Variants in DCLK3 observed in about 807,000 individuals in gnomAD.
The protein encoded by DCLK3 is doublecortin like kinase 3.
In DCLK3, 30 loss-of-function variants were observed where a neutral mutation model predicts 46.4. The ratio of observed to expected loss-of-function variants is 0.65; its 90% CI spans 0.48 to 0.88. The LOEUF is 0.88. Among genes scored for constraint, DCLK3 ranks in the 40% least tolerant of loss-of-function variants. The probability of loss-of-function intolerance (pLI) is 0.00; values close to 1 mark genes in which losing one functional copy is unlikely to be tolerated. For missense variants in DCLK3, 846 were observed against 907.1 expected (o/e 0.93, Z 0.87); for synonymous variants, 401 against 339.2 (o/e 1.18, Z -2.00).
At chr3:36,742,355 A>T (rs999749263) in intron 1 of DCLK3, among the ~76,000 whole-genome samples, 2 of 152,186 alleles carry the variant, frequency 1.3e-5, no homozygotes, top group Admixed American at 1.3e-4. Context: ...ACTTGCCCTG[A>T]TCCCTAGTGG....
intron 2 of DCLK3, among the ~76,000 whole-genome samples, chr3:36,736,072 T>C (rs549144996): frequency 3.9e-5 from 6 of 152,356 alleles, no homozygotes; most frequent in Admixed American, 3.9e-4. Context: ...TGGCACACAC[T>C]TGTACTCAAA....
Position 36,764,227 on chromosome 3 carries a change from G to A in DCLK3, c.37C>T (p.Pro13Ser), listed in dbSNP as rs1404614209. Residue 13 changes from proline (P) to serine (S), a missense_variant, in exon 1 of 5, where the codon CCC becomes TCC. Physicochemically the swap from Pro to Ser is moderately conservative, Grantham distance 74. Around this residue, in one of 3 missense-constraint regions of DCLK3, gnomAD observed 553 missense variants for 543.0 expected, o/e 1.02. Transcript: ENST00000636136. The surrounding 1 kb of genome is among the most constrained non-coding windows in gnomAD (Gnocchi z 4.9). ...CAGGCTGGGGCTGGCCGGGCCGGGG[G>A]CGGCGGCGGCTGCGGGGCTGGAGTG... ...AATPAPQPPP[P>S]PARPAPACPA... 6.3e-6 allele frequency: 2 copies of A among 317,104 alleles called. No individual in the cohort carries two copies. Among genetic ancestry groups the A allele is most frequent in the African/African-American group, 2.2e-5 (1 of 45,560 alleles). 19.6% of individuals were successfully genotyped at this position (317,104 alleles called of 1,614,324 possible). A position where few individuals can be genotyped will look rare whatever the true frequency, so the allele number is the denominator to read the frequency against.
chr3:36,723,291 A>ACATTCAG (rs1419499536), intron 2 of DCLK3, among the ~76,000 whole-genome samples: 1 of 152,218 alleles, frequency 6.6e-6, no homozygotes, highest in Non-Finnish European at 1.5e-5. Context: ...GCTGTTAAAG[A>ACATTCAG]CATTCAGTTT....
intron 4 of DCLK3, among the ~76,000 whole-genome samples, chr3:36,717,607 T>C (rs915555446): frequency 1.3e-5 from 2 of 152,216 alleles, no homozygotes; most frequent in African/African-American, 4.8e-5. Context: ...GCAGAGCCCC[T>C]GTGCTTCAAG....
chr3:36,753,717 T>C (rs1298651254), intron 1 of DCLK3, among the ~76,000 whole-genome samples: 2 of 152,198 alleles, frequency 1.3e-5, no homozygotes, highest in African/African-American at 2.4e-5. Context: ...CTGCCTAGAC[T>C]GGAGTACAGT....
chr3:36,740,122 C>CT (rs1179146362), intron 1 of DCLK3, among the ~76,000 whole-genome samples: 1,267 of 99,654 alleles, frequency 0.013, 8 homozygotes, highest in Admixed American at 0.04. Context: ...ATTTGCATTT[C>CT]TTTTTTTTTT....
chr3:36,749,370 G>A (rs889205280), intron 1 of DCLK3, among the ~76,000 whole-genome samples: 2 of 151,994 alleles, frequency 1.3e-5, no homozygotes, highest in Admixed American at 6.6e-5. Context: ...GGCCCTCCCC[G>A]CCCCACTAAT....
intron 1 of DCLK3, among the ~76,000 whole-genome samples, chr3:36,747,411 G>T (rs1030581999): frequency 2.6e-5 from 4 of 151,258 alleles, no homozygotes; most frequent in Non-Finnish European, 4.4e-5. Context: ...AAAGGGAAAA[G>T]GTTTGAGCTT....
chr3:36,724,101 C>A (rs1243430863), intron 2 of DCLK3, among the ~76,000 whole-genome samples: 2 of 152,218 alleles, frequency 1.3e-5, no homozygotes, highest in African/African-American at 4.8e-5. Flanking sequence ...GGATGTGAGA[C>A]CTGGAGTCAA....
chr3:36,727,175 G>A (rs770088212), intron 2 of DCLK3, among the ~76,000 whole-genome samples: 1 of 152,116 alleles, frequency 6.6e-6, no homozygotes, highest in South Asian at 2.1e-4. Flanking sequence ...TGTAATCCCA[G>A]CTACTCAGGA....
In DCLK3 at chr3:36,737,944, G is replaced by A. The variant is rs778437237; in HGVS notation, c.1223C>T (p.Ala408Val). 6.2e-7 allele frequency: 1 copy of A among 1,614,106 alleles called. No homozygotes were observed. Among genetic ancestry groups the A allele is most frequent in the East Asian group, 2.2e-5 (1 of 44,870 alleles). The change falls in exon 2 of 5, where the codon GCA becomes GTA. Residue 408 changes from alanine (A) to valine (V), a missense_variant. Ala to Val is a moderately conservative substitution (Grantham distance 64). This residue lies in a region of DCLK3 where 553 missense variants were observed against 543.0 expected (regional missense o/e 1.02). Coordinates refer to ENST00000636136, the MANE Select transcript of DCLK3 (RefSeq NM_001394672.2). This position sits in a 1 kb window ranked among gnomAD's most constrained non-coding sequence, Gnocchi z 4.4. ...CACAAGGTCCTTCTTGGCCTTGGCT[G>A]CTCCCTGAGCATGGCTTTCTTGATC... Reference protein sequence around the residue: ...PEDQESHAQGAAKAKKDLVEV... With the variant: ...PEDQESHAQGVAKAKKDLVEV...
chr3:36,762,393 A>G (rs1701547538), intron 1 of DCLK3, among the ~76,000 whole-genome samples: 1 of 152,210 alleles, frequency 6.6e-6, no homozygotes, highest in Non-Finnish European at 1.5e-5. Context: ...AGATATTCCT[A>G]GGAAAAAATG....
rs139977012 is a variant in DCLK3 at position 36,745,459 on chromosome 3, C to T, written c.83-6375G>A. On this transcript the variant is annotated intron_variant, in intron 1 of 4. Transcript: ENST00000636136. ...TTATGTGTACTCAACAAAATGAATT[C>T]GGTGTTTTAAACTATCTGGTCATAT... Among the ~76,000 whole-genome samples, 48 of 152,242 alleles carry T rather than the reference C, an allele frequency of 3.2e-4. No individual in the cohort carries two copies. The East Asian group carries it at 7.9e-3, about 25-fold the overall frequency.
Position 36,737,969 on chromosome 3 carries a change from C to G in DCLK3, c.1198G>C (p.Asp400His), listed in dbSNP as rs374177916. Reference sequence around the variant, plus strand: ...GCTCCCTGAGCATGGCTTTCTTGATCCTCTGGGCCTCTGTCCTCTTTCTTG... The same window carrying G: ...GCTCCCTGAGCATGGCTTTCTTGATGCTCTGGGCCTCTGTCCTCTTTCTTG... ...MDKKEDRGPE[D>H]QESHAQGAAK... is the part of the protein sequence containing the mutation. Residue 400 changes from aspartate to histidine, a missense_variant, in exon 2 of 5, where the codon GAT becomes CAT. By Grantham distance (81) the Asp-to-His change is moderately conservative (BLOSUM62 -1). Around this residue, in one of 3 missense-constraint regions of DCLK3, gnomAD observed 553 missense variants for 543.0 expected, o/e 1.02. Coordinates refer to ENST00000636136, the MANE Select transcript of DCLK3 (RefSeq NM_001394672.2). This position sits in a 1 kb window ranked among gnomAD's most constrained non-coding sequence, Gnocchi z 4.4. The G allele has an allele frequency of 5.0e-6, 8 of 1,614,176 alleles. No homozygotes were observed. The highest frequency in any genetic ancestry group is 6.8e-6 in the Non-Finnish European group (8 of 1,180,044).
intron 1 of DCLK3, among the ~76,000 whole-genome samples, chr3:36,740,201 A>G (rs1701329970): frequency 6.6e-6 from 1 of 150,600 alleles, no homozygotes; most frequent in African/African-American, 2.4e-5. Flanking sequence ...AGAATAAATG[A>G]TCAAATTACA....
intron 1 of DCLK3, among the ~76,000 whole-genome samples, chr3:36,758,194 T>G (rs966461465): frequency 3.3e-5 from 5 of 152,234 alleles, no homozygotes; most frequent in Non-Finnish European, 7.3e-5. Flanking sequence ...CTCAAAATTG[T>G]GTTTTGTTTA....
At chr3:36,741,808 T>C (rs1370912962) in intron 1 of DCLK3, among the ~76,000 whole-genome samples, 4 of 152,152 alleles carry the variant, frequency 2.6e-5, no homozygotes, top group African/African-American at 9.7e-5. Context: ...CATGGGATGA[T>C]ATAAGCCTCA....
chr3:36,717,813 C>G (rs553378927), intron 4 of DCLK3, among the ~76,000 whole-genome samples, 197 bp downstream of exon 4: 8 of 152,110 alleles, frequency 5.3e-5, no homozygotes, highest in African/African-American at 1.9e-4. Flanking sequence ...GGTGGTTGGG[C>G]TTTTTCACTA....
At chr3:36,744,285 T>G (rs1195244847) in intron 1 of DCLK3, among the ~76,000 whole-genome samples, 3 of 152,192 alleles carry the variant, frequency 2.0e-5, no homozygotes, top group Non-Finnish European at 4.4e-5. Flanking sequence ...TAATTGCAGC[T>G]CCAGCAAACA....
Sources: gnomAD v4.1 joint callset for allele counts (sites outside exome capture counted in the v4.1 genomes callset) on GRCh38, gnomAD v4.1.1 for gene constraint, gnomAD v4.1.1 regional missense constraint, Gnocchi (gnomAD v3.1) non-coding constraint, MANE v1.5 for transcripts, NCBI Gene and HGNC (gene_info 2026-07-23, HGNC 2026-07-21) for gene names.